Variants in CCDC171 observed in about 807,000 individuals in gnomAD.
CCDC171 encodes coiled-coil domain-containing protein 171.
In CCDC171, 177 loss-of-function variants were observed where a neutral mutation model predicts 168.2. The ratio of observed to expected loss-of-function variants is 1.05; its 90% CI spans 0.93 to 1.19. The LOEUF is 1.19. CCDC171 is among the 50% of genes most tolerant of loss of function. The pLI, the probability that CCDC171 is intolerant of heterozygous loss-of-function variation, is 0.00. For missense variants in CCDC171, 1,991 were observed against 1,539.0 expected, an observed-to-expected ratio of 1.29 and a Z score of -4.91; for synonymous variants, 687 against 540.8, an observed-to-expected ratio of 1.27 and a Z score of -3.75.
chr9:15,922,401 T>A (rs755202679), intron 25 of CCDC171, among the ~76,000 whole-genome samples: 1 of 151,658 alleles, frequency 6.6e-6, no homozygotes, highest in Admixed American at 6.6e-5. Flanking sequence ...AAACAAACCT[T>A]TGTCTTTGTA....
intron 21 of CCDC171, among the ~76,000 whole-genome samples, chr9:15,819,986 C>CT (rs2059702686): frequency 8.5e-6 from 1 of 117,066 alleles, no homozygotes; most frequent in South Asian, 2.8e-4. Flanking sequence ...TTATAACAAA[C>CT]TGTGTCTCAG....
At chr9:15,947,296 C>A (rs1173309173) in intron 25 of CCDC171, among the ~76,000 whole-genome samples, 1 of 151,892 alleles carries the variant, frequency 6.6e-6, no homozygotes, top group Non-Finnish European at 1.5e-5. Flanking sequence ...TATGTTATGA[C>A]ATCACTAAAT....
intron 6 of CCDC171, among the ~76,000 whole-genome samples, chr9:16,027,412 G>A (rs1161282975): frequency 7.2e-5 from 11 of 152,134 alleles, no homozygotes; most frequent in Non-Finnish European, 1.2e-4. Flanking sequence ...ACAGCTGGGT[G>A]GAGGGCGTCT....
Position 15,985,427 on chromosome 9 carries a change from A to T in CCDC171, n.369-35162A>T, listed in dbSNP as rs145519143. On this transcript the variant is annotated intron_variant and non_coding_transcript_variant, in intron 3 of 9. Coordinates refer to the CCDC171 transcript ENST00000486641. ...AGCAGTATCATCACTGTTAACAGGG[A>T]CAGTCCTTCATCTGGGTTTTGAGTT... Among the ~76,000 whole-genome samples the T allele has an allele frequency of 1.2e-4, 19 of 152,324 alleles. 1 individual carries two copies. Among genetic ancestry groups the T allele is most frequent in the African/African-American group, 4.1e-4 (17 of 41,590 alleles).
At chr9:15,669,815 A>G (rs141032920) in intron 9 of CCDC171, among the ~76,000 whole-genome samples, 69 of 152,266 alleles carry the variant, frequency 4.5e-4, no homozygotes, top group African/African-American at 1.5e-3. Flanking sequence ...TTCTAAATAT[A>G]TCACCCAAAA....
At chr9:16,059,509 T>TC (rs1833897230) in intron 1 of CCDC171, among the ~76,000 whole-genome samples, 2 of 73,690 alleles carry the variant, frequency 2.7e-5, no homozygotes, top group Non-Finnish European at 2.6e-5. Context: ...TTTTTTCTTT[T>TC]TTTTTTTTTT....
chr9:15,680,778 G>T (rs750072082), intron 10 of CCDC171, among the ~76,000 whole-genome samples: 2 of 152,278 alleles, frequency 1.3e-5, no homozygotes, highest in Middle Eastern at 3.4e-3. Flanking sequence ...TGAATCAGTA[G>T]TGGAGAAAAA....
At chr9:15,593,785 T>C (rs983815227) in intron 5 of CCDC171, among the ~76,000 whole-genome samples, 34 of 152,010 alleles carry the variant, frequency 2.2e-4, no homozygotes, top group African/African-American at 7.0e-4. Flanking sequence ...CTGTTGCTTA[T>C]ATATACATAT....
In CCDC171 at chr9:15,939,396, A is replaced by G. The variant is rs997097714; in HGVS notation, c.3753+18974A>G. ...AACCCTGCAGAATATTTGAAGTCAG[A>G]TTATTGAAACAATTCAACTTTTATA... On this transcript the variant is annotated intron_variant, in intron 25 of 25. Coordinates refer to ENST00000380701, the MANE Select transcript of CCDC171 (RefSeq NM_173550.4). Among the ~76,000 whole-genome samples, 4 of 152,032 alleles carry G rather than the reference A, an allele frequency of 2.6e-5. No individual in the cohort carries two copies. In the South Asian group the frequency reaches 8.3e-4, roughly 31 times the overall value.
chr9:16,020,194 C>A (rs1163574916), intron 3 of CCDC171, among the ~76,000 whole-genome samples: 1 of 152,080 alleles, frequency 6.6e-6, no homozygotes, highest in Non-Finnish European at 1.5e-5. Flanking sequence ...GTTTCATGCA[C>A]AAAATTATTA....
At chr9:15,591,305 T>G (rs1391384983) in intron 4 of CCDC171, 61 bp from the exon 5 acceptor site, 22 of 1,027,542 alleles carry the variant, frequency 2.1e-5, no homozygotes, top group Non-Finnish European at 2.5e-5. Context: ...TGCCTAGGTT[T>G]TGGGGCTCCT....
intron 3 of CCDC171, among the ~76,000 whole-genome samples, chr9:15,575,521 A>T (rs1197555078): frequency 1.3e-5 from 2 of 152,204 alleles, no homozygotes; most frequent in East Asian, 3.8e-4. Flanking sequence ...AGGACTAATC[A>T]GTAGGCTTTA....
At chr9:15,942,546 A>G (rs770194893) in intron 25 of CCDC171, among the ~76,000 whole-genome samples, 29 of 152,066 alleles carry the variant, frequency 1.9e-4, no homozygotes, top group Non-Finnish European at 4.0e-4. Context: ...TACCTTATTC[A>G]GTGCCTAGCA....
chr9:15,770,131 G>A (rs749564689), intron 18 of CCDC171, among the ~76,000 whole-genome samples: 1 of 152,118 alleles, frequency 6.6e-6, no homozygotes, highest in African/African-American at 2.4e-5. Context: ...AATTATATTT[G>A]TAGCAGTAAA....
At chr9:16,044,647 C>A (rs1833628485) in intron 1 of CCDC171, among the ~76,000 whole-genome samples, 1 of 151,956 alleles carries the variant, frequency 6.6e-6, no homozygotes. Flanking sequence ...CAAAAATTTC[C>A]CTTCACATTG....
intron 24 of CCDC171, among the ~76,000 whole-genome samples, chr9:15,903,493 A>G (rs143503671): frequency 0.013 from 1,923 of 149,294 alleles, 24 homozygotes; most frequent in South Asian, 0.053. Flanking sequence ...AAGGAAAACT[A>G]ACAGAAAGGA....
intron 21 of CCDC171, among the ~76,000 whole-genome samples, chr9:15,817,271 C>T (rs963733033): frequency 6.8e-5 from 8 of 117,806 alleles, no homozygotes; most frequent in African/African-American, 2.2e-4. Flanking sequence ...GTGTGAGCGA[C>T]GCAGAAGATG....
intron 25 of CCDC171, among the ~76,000 whole-genome samples, chr9:15,963,875 C>G (rs1430556553): frequency 6.6e-6 from 1 of 152,192 alleles, no homozygotes; most frequent in Non-Finnish European, 1.5e-5. Flanking sequence ...CTCAGACCCT[C>G]TCTAAGCTAA....
rs113107289 is a variant in CCDC171 at position 15,670,828 on chromosome 9, A to G, written c.1076+4505A>G. Among the ~76,000 whole-genome samples, 5 of 152,294 alleles carry G rather than the reference A, an allele frequency of 3.3e-5. 1 individual carries two copies. Among genetic ancestry groups the G allele is most frequent in the African/African-American group, 1.2e-4 (5 of 41,560 alleles). On this transcript the variant is annotated intron_variant, in intron 9 of 25. Transcript: ENST00000380701. Reference sequence around the variant, plus strand: ...GTCTTGTCAGTGCCTAGAAAGGTACATAAGAGCTGCTAAATAAAGATTTAT... The same window carrying G: ...GTCTTGTCAGTGCCTAGAAAGGTACGTAAGAGCTGCTAAATAAAGATTTAT...
Sources: allele counts gnomAD v4.1 joint callset (sites outside exome capture counted in the v4.1 genomes callset), GRCh38; gene constraint gnomAD v4.1.1; transcripts MANE v1.5; gene names NCBI Gene and HGNC (gene_info 2026-07-23, HGNC 2026-07-21).